Variants in MCTP1 observed in about 807,000 individuals in gnomAD.
MCTP1 encodes multiple C2 and transmembrane domain containing 1, also known as multiple C2 and transmembrane domain-containing protein 1.
Under a neutral mutation model 120.6 loss-of-function variants are expected in MCTP1, and 69 were observed. The observed-to-expected ratio is 0.57, with a 90% confidence interval of 0.47 to 0.70. The LOEUF is 0.70. MCTP1 is among the 30% of genes least tolerant of loss of function. MCTP1 has a pLI of 0.00. For missense variants in MCTP1, 1,203 were observed against 1,248.8 expected (o/e 0.96, Z 0.55); for synonymous variants, 529 against 493.1 (o/e 1.07, Z -0.96).
intron 1 of MCTP1, among the ~76,000 whole-genome samples, chr5:95,092,649 C>A (rs1346559894): frequency 2.0e-5 from 3 of 147,862 alleles, no homozygotes; most frequent in Admixed American, 6.7e-5. Flanking sequence ...TAAACATATA[C>A]AATTATTATG....
intron 19 of MCTP1, among the ~76,000 whole-genome samples, chr5:94,760,546 C>A (rs181339216): frequency 3.9e-5 from 6 of 152,246 alleles, no homozygotes; most frequent in Non-Finnish European, 7.4e-5. Flanking sequence ...GACTCCAGAA[C>A]AAAGAAATAG....
At chr5:94,874,784 A>G (rs962252836) in intron 12 of MCTP1, among the ~76,000 whole-genome samples, 4 of 152,182 alleles carry the variant, frequency 2.6e-5, no homozygotes, top group Non-Finnish European at 5.9e-5. Flanking sequence ...TATGTGGCAC[A>G]TCAACAACTT....
At chr5:94,983,890 G>C (rs1264361259) in intron 2 of MCTP1, among the ~76,000 whole-genome samples, 4 of 152,172 alleles carry the variant, frequency 2.6e-5, no homozygotes, top group Non-Finnish European at 5.9e-5. Flanking sequence ...CTCTATGATG[G>C]AAGAAGGGGC....
intron 19 of MCTP1, among the ~76,000 whole-genome samples, chr5:94,749,444 C>G (rs1767709541): frequency 6.6e-6 from 1 of 152,028 alleles, no homozygotes; most frequent in African/African-American, 2.4e-5. Flanking sequence ...CACCTGAGGT[C>G]AGTAGTTCAA....
chr5:94,785,378 T>C (rs1777454093), intron 18 of MCTP1, among the ~76,000 whole-genome samples: 1 of 152,122 alleles, frequency 6.6e-6, no homozygotes, highest in South Asian at 2.1e-4. Flanking sequence ...GTCTTTAGGA[T>C]ATTGCATATT....
chr5:94,990,729 G>T (rs1831381625), intron 2 of MCTP1, among the ~76,000 whole-genome samples: 1 of 152,114 alleles, frequency 6.6e-6, no homozygotes, highest in Non-Finnish European at 1.5e-5. Flanking sequence ...CAAAGACATG[G>T]ATCATTAGAG....
chr5:95,155,268 G>C (rs1744988214), intron 1 of MCTP1, among the ~76,000 whole-genome samples: 1 of 152,028 alleles, frequency 6.6e-6, no homozygotes, highest in Admixed American at 6.6e-5. Context: ...ATATAGTAGA[G>C]GTAGATATTA....
intron 17 of MCTP1, among the ~76,000 whole-genome samples, chr5:94,865,429 C>T (rs368899144): frequency 6.6e-6 from 1 of 151,774 alleles, no homozygotes; most frequent in South Asian, 2.1e-4. Flanking sequence ...GATAGAAATG[C>T]CTGTGCTCTG....
intron 19 of MCTP1, among the ~76,000 whole-genome samples, chr5:94,719,515 C>T (rs755863338): frequency 1.3e-5 from 2 of 152,132 alleles, no homozygotes; most frequent in African/African-American, 2.4e-5. Flanking sequence ...ATGTCCTTTG[C>T]AGGTACATGG....
At chr5:94,993,548 C>T (rs1001283234) in intron 2 of MCTP1, among the ~76,000 whole-genome samples, 5 of 152,232 alleles carry the variant, frequency 3.3e-5, no homozygotes, top group African/African-American at 1.2e-4. Flanking sequence ...ATTAGAAAAA[C>T]TAAATCTTTT....
intron 1 of MCTP1, among the ~76,000 whole-genome samples, chr5:95,198,785 A>G (rs1381441345): frequency 6.6e-6 from 1 of 152,230 alleles, no homozygotes; most frequent in Non-Finnish European, 1.5e-5. Context: ...TAACTATTAA[A>G]AAAGGAATGA....
At chr5:94,798,154 G>C (rs1343371377) in intron 18 of MCTP1, among the ~76,000 whole-genome samples, 1 of 151,222 alleles carries the variant, frequency 6.6e-6, no homozygotes, top group Non-Finnish European at 1.5e-5. Flanking sequence ...TCTCATGTTT[G>C]CCAACCTTTA....
chr5:95,257,987 G>A (rs533065295), intron 1 of MCTP1, among the ~76,000 whole-genome samples: 1 of 152,166 alleles, frequency 6.6e-6, no homozygotes, highest in Non-Finnish European at 1.5e-5. Context: ...ATAAATATAT[G>A]ATTGAATAAA....
intron 17 of MCTP1, 59 bp downstream of exon 17, chr5:94,868,274 T>C: frequency 6.8e-7 from 1 of 1,471,140 alleles, no homozygotes; most frequent in Non-Finnish European, 9.1e-7. Flanking sequence ...CACAGAAACA[T>C]GCAGCTATGA....
At chr5:94,723,939 G>A (rs1268206327) in intron 19 of MCTP1, among the ~76,000 whole-genome samples, 3 of 152,052 alleles carry the variant, frequency 2.0e-5, no homozygotes, top group Non-Finnish European at 4.4e-5. Context: ...ACACAAAGGA[G>A]AAGAGGGAGA....
intron 1 of MCTP1, among the ~76,000 whole-genome samples, chr5:95,138,631 A>C (rs1759645207): frequency 6.6e-6 from 1 of 152,174 alleles, no homozygotes; most frequent in South Asian, 2.1e-4. Context: ...AACCAAAGGA[A>C]TGACCCCCTC....
intron 2 of MCTP1, among the ~76,000 whole-genome samples, chr5:94,968,417 A>C (rs1481830755): frequency 6.6e-6 from 1 of 152,112 alleles, no homozygotes; most frequent in Admixed American, 6.5e-5. Flanking sequence ...CAATCCTTGG[A>C]TCTCTCTTTG....
At chr5:95,079,267 A>G (rs1480640239) in intron 1 of MCTP1, among the ~76,000 whole-genome samples, 1 of 152,180 alleles carries the variant, frequency 6.6e-6, no homozygotes, top group Non-Finnish European at 1.5e-5. Context: ...ACTAACATAT[A>G]CTAAGCACCT....
intron 20 of MCTP1, 118 bp from the exon 21 acceptor site, chr5:94,711,045 C>G: frequency 1.4e-6 from 1 of 732,536 alleles, no homozygotes; most frequent in Admixed American, 2.4e-5. Flanking sequence ...GGAATAGATT[C>G]CAATTGTAAT....
Sources: gnomAD v4.1 joint callset for allele counts (sites outside exome capture counted in the v4.1 genomes callset) on GRCh38, gnomAD v4.1.1 for gene constraint, MANE v1.5 for transcripts, NCBI Gene and HGNC (gene_info 2026-07-23, HGNC 2026-07-21) for gene names.